Variants in SLC8B1 observed in about 807,000 individuals in gnomAD.
SLC8B1 encodes solute carrier family 8 member B1.
A neutral mutation model predicts 63.4 loss-of-function variants in SLC8B1; 52 were observed. That is an observed-to-expected ratio of 0.82 (90% CI 0.66 to 1.03). The LOEUF (loss-of-function observed/expected upper bound fraction) is 1.03, where lower values mean the gene tolerates loss of function less well. Ranked by LOEUF, SLC8B1 falls within the 50% of genes least tolerant of loss-of-function variation. SLC8B1 has a pLI of 0.00. For missense variants in SLC8B1, 657 were observed against 741.7 expected (o/e 0.89, Z 1.33); for synonymous variants, 336 against 323.9 (o/e 1.04, Z -0.40).
intron 12 of SLC8B1, chr12:113,308,805 T>TA (rs1337680917): frequency 6.6e-6 from 1 of 152,198 alleles, no homozygotes; most frequent in Non-Finnish European, 1.5e-5. Flanking sequence ...TTTCCAAAAG[T>TA]AAAAACTAAA....
chr12:113,333,770 G>A (rs1030110760), intron 1 of SLC8B1, among the ~76,000 whole-genome samples: 6 of 152,098 alleles, frequency 3.9e-5, no homozygotes, highest in Non-Finnish European at 5.9e-5. Flanking sequence ...GTGCAGTGGC[G>A]CGATCTCAGC....
At chr12:113,315,958 C>T (rs1027085563) in intron 10 of SLC8B1, among the ~76,000 whole-genome samples, 5 of 152,230 alleles carry the variant, frequency 3.3e-5, no homozygotes, top group Non-Finnish European at 5.9e-5. Flanking sequence ...GATGCGGTGG[C>T]TCACGCCTGT....
At chr12:113,307,879 C>A in intron 12 of SLC8B1, 35 bp from the exon 13 acceptor site, 1 of 1,601,174 alleles carries the variant, frequency 6.2e-7, no homozygotes, top group South Asian at 1.1e-5. Context: ...GGACCAAGGC[C>A]AGCCCCAACA....
chr12:113,319,390 C>T, intron 7 of SLC8B1: 1 of 262,402 alleles, frequency 3.8e-6, no homozygotes, highest in Non-Finnish European at 7.5e-6. Flanking sequence ...GCTCTGGCTA[C>T]AGCTAGGTTC....
intron 10 of SLC8B1, among the ~76,000 whole-genome samples, chr12:113,315,996 G>A (rs974864943): frequency 6.6e-5 from 10 of 152,144 alleles, no homozygotes; most frequent in South Asian, 2.1e-4. Flanking sequence ...AGGCCGAGGC[G>A]GGCGGATCAC....
chr12:113,319,310 C>T (rs980839226), intron 7 of SLC8B1: 16 of 448,812 alleles, frequency 3.6e-5, no homozygotes, highest in Non-Finnish European at 6.2e-5. Flanking sequence ...CAGCGAGAGA[C>T]CTCCAGGTCC....
Position 113,332,943 on chromosome 12 carries a change from G to A in SLC8B1, c.-65C>T, listed in dbSNP as rs1298991141. ...TTCTGCAGTAGCTCAGTTCCAAACA[G>A]CTGGCGGCTCCGGTGGCCTGCAAGG... On this transcript the variant is annotated 5_prime_UTR_variant, in exon 2 of 16. Transcript: ENST00000680972. The A allele has an allele frequency of 4.4e-6, 7 of 1,575,036 alleles. No individual in the cohort carries two copies. Among genetic ancestry groups the A allele is most frequent in the Non-Finnish European group, 5.2e-6 (6 of 1,163,088 alleles).
chr12:113,309,830 G>A (rs746265081), intron 12 of SLC8B1, among the ~76,000 whole-genome samples: 14 of 152,050 alleles, frequency 9.2e-5, no homozygotes, highest in South Asian at 2.1e-4. Context: ...ATAGAGACGC[G>A]GAGTAGAGTC....
intron 12 of SLC8B1, chr12:113,308,404 T>G (rs574398760): frequency 6.6e-6 from 1 of 152,604 alleles, no homozygotes; most frequent in South Asian, 2.1e-4. Context: ...AAAAAAAATA[T>G]TATTTTGTCT....
At chr12:113,308,948 G>T (rs1004514299) in intron 12 of SLC8B1, 4 of 152,172 alleles carry the variant, frequency 2.6e-5, no homozygotes, top group Non-Finnish European at 5.9e-5. Flanking sequence ...CTGCCTCCTG[G>T]GTTCAAGCGA....
At chr12:113,316,462 GGTAGC>G (rs1956836787) in intron 10 of SLC8B1, 59 bp downstream of exon 10, 1 of 1,580,670 alleles carries the variant, frequency 6.3e-7, no homozygotes, top group Admixed American at 1.7e-5. Context: ...AGCTGGAGAG[GGTAGC>G]GTGGCCACTG....
intron 8 of SLC8B1, among the ~76,000 whole-genome samples, chr12:113,318,222 G>A (rs1956865455): frequency 6.6e-6 from 1 of 151,398 alleles, no homozygotes; most frequent in Non-Finnish European, 1.5e-5. Flanking sequence ...TATATGTGTT[G>A]TATGTACACA....
chr12:113,308,018 G>A (rs1031155141), intron 12 of SLC8B1, 174 bp from the exon 13 acceptor site: 22 of 722,094 alleles, frequency 3.0e-5, no homozygotes, highest in East Asian at 1.3e-4. Flanking sequence ...TCAATAAAAC[G>A]TGAGTTCAAT....
At position 113,310,297 on chromosome 12, in the gene SLC8B1, GC is replaced by G; in HGVS notation, c.1193del (p.Gly398AlafsTer7). The G allele has an allele frequency of 6.2e-7, 1 of 1,614,162 alleles. No homozygotes were observed. Among genetic ancestry groups the G allele is most frequent in the Non-Finnish European group, 8.5e-7 (1 of 1,180,030 alleles). On this transcript the variant is annotated frameshift_variant, in exon 12 of 16. Coordinates refer to ENST00000680972, the MANE Select transcript of SLC8B1 (RefSeq NM_001358345.2). LOFTEE classifies it high-confidence loss of function. ...AAAAGGTCACTGAAGCCAAGGCTGT[GC>G]CTGCGATCACCACCACGACCCAGAC... ...VPVWVVVVIA[G>X]TALASVTFFA...
rs763603706 is a variant in SLC8B1, at chr12:113,319,116, GGTCTAGAGAACAACAGCTGGCA to G, written c.695-67_695-46del. On this transcript the variant is annotated intron_variant, in intron 7 of 15. Coordinates refer to ENST00000680972, the MANE Select transcript of SLC8B1 (RefSeq NM_001358345.2). ...CGTCACCAAGTGGTGTCCTGGTGCA[GGTCTAGAGAACAACAGCTGGCA>G]GTTCTATCAGTGGTGCGTGTTAGCG... 13 of 1,469,218 alleles carry G rather than the reference GGTCTAGAGAACAACAGCTGGCA, an allele frequency of 8.8e-6. No individual in the cohort carries two copies. In the Admixed American group the frequency reaches 1.7e-4, roughly 19 times the overall value. 91.0% of individuals were successfully genotyped at this position (1,469,218 alleles called of 1,614,324 possible). A position where few individuals can be genotyped will look rare whatever the true frequency, so the allele number is the denominator to read the frequency against.
At chr12:113,333,282 G>GC (rs77852738) in intron 1 of SLC8B1, among the ~76,000 whole-genome samples, 28,974 of 152,062 alleles carry the variant, frequency 0.19, 3,262 homozygotes, top group African/African-American at 0.33. Flanking sequence ...GGCTTCTGGG[G>GC]CAGGTGGGTG....
rs1232730825 is a variant in SLC8B1 at position 113,321,296 on chromosome 12, G to A, written c.209C>T (p.Thr70Ile). The change falls in exon 3 of 16, where the codon ACC (threonine) becomes ATC (isoleucine). Residue 70 changes from threonine (T) to isoleucine (I), a missense_variant. Physicochemically the swap from Thr to Ile is moderately conservative, Grantham distance 89 (BLOSUM62 -1). Transcript: ENST00000680972. ...NVSDRCDFIR[T>I]NPDCHSDGGY... ...CCCATCACTGTGGCAGTCAGGGTTG[G>A]TCCGGATGAAGTCACAGCGGTCAGA... 1.2e-6 allele frequency: 2 copies of A among 1,614,148 alleles called. No individual in the cohort carries two copies. Among genetic ancestry groups the A allele is most frequent in the Non-Finnish European group, 8.5e-7 (1 of 1,180,036 alleles).
intron 11 of SLC8B1, among the ~76,000 whole-genome samples, chr12:113,312,922 T>G (rs532655959): frequency 1.3e-5 from 2 of 152,068 alleles, no homozygotes; most frequent in African/African-American, 4.8e-5. Context: ...CTTTTCTATT[T>G]TGAGACAGAG....
intron 2 of SLC8B1, among the ~76,000 whole-genome samples, chr12:113,329,224 A>T (rs1957030055): frequency 6.6e-6 from 1 of 152,164 alleles, no homozygotes; most frequent in Non-Finnish European, 1.5e-5. Flanking sequence ...CACAGATGAG[A>T]AAACTGAGGC....
Sources: allele counts gnomAD v4.1 joint callset (sites outside exome capture counted in the v4.1 genomes callset), GRCh38; gene constraint gnomAD v4.1.1; transcripts MANE v1.5; gene names NCBI Gene and HGNC (gene_info 2026-07-23, HGNC 2026-07-21).